The following PMP22 variants were observed in gnomAD, a reference collection of about 807,000 sequenced individuals.
PMP22 encodes the protein Charcot-Marie-Tooth neuropathy 1A (greatly reduced nerve conduction velocity, hereditary motor sensory neuropathy Ia).
In PMP22, 2 loss-of-function variants were observed where a neutral mutation model predicts 18.9. The observed-to-expected ratio is 0.11, with a 90% CI of 0.04 to 0.33. The LOEUF (loss-of-function observed/expected upper bound fraction) is 0.33. Ranked by LOEUF, PMP22 falls within the 10% of genes least tolerant of loss-of-function variation. The probability of loss-of-function intolerance (pLI) is 1.00; values close to 1 mark genes in which losing one functional copy is unlikely to be tolerated. For synonymous variants in PMP22, 95 were observed against 89.2 expected (o/e 1.07, Z -0.37); for missense variants, 169 against 202.2 (o/e 0.84, Z 1.00).
chr17:15,260,980 C>A (rs1909293275), intron 1 of PMP22: 2 of 311,528 alleles, frequency 6.4e-6, no homozygotes, highest in Non-Finnish European at 1.2e-5. Context: ...CCAGCCGGGC[C>A]CGCCTGCAAC....
intron 4 of PMP22, among the ~76,000 whole-genome samples, chr17:15,236,662 C>T (rs1489461850): frequency 6.6e-6 from 1 of 152,154 alleles, no homozygotes; most frequent in Admixed American, 6.5e-5. Flanking sequence ...TTCTCATCTC[C>T]AACAACCCTA....
chr17:15,252,287 G>A (rs1416970673), intron 3 of PMP22, among the ~76,000 whole-genome samples: 1 of 152,132 alleles, frequency 6.6e-6, no homozygotes, highest in Non-Finnish European at 1.5e-5. Context: ...GACCACCAAG[G>A]GCTCAGGTTG....
At chr17:15,247,469 G>A (rs1350756765) in intron 3 of PMP22, among the ~76,000 whole-genome samples, 3 of 152,224 alleles carry the variant, frequency 2.0e-5, no homozygotes, top group Non-Finnish European at 2.9e-5. Context: ...GACATGGGCC[G>A]TGGCAGCACC....
intron 4 of PMP22, 112 bp downstream of exon 4, chr17:15,239,359 G>T: frequency 8.2e-7 from 1 of 1,217,876 alleles, no homozygotes; most frequent in Non-Finnish European, 1.2e-6. Flanking sequence ...GCATCCAGTG[G>T]GGAGACTCAT....
rs1398204165 is a variant in PMP22 at position 15,239,505 on chromosome 17, C to T, written c.285G>A (p.Arg95=). ...TTTGGAAGATTCCAGTGATGTAAAACCTGCCCCCCTTGGTGAGGGTGAAGA... is the reference window on the plus strand; with the variant it reads ...TTTGGAAGATTCCAGTGATGTAAAATCTGCCCCCCTTGGTGAGGGTGAAGA... ...CQLFTLTKGG[R]FYITGIFQIL... is the part of the protein sequence containing the mutation. The change falls in exon 4 of 5, where the codon AGG becomes AGA. Residue 95 remains arginine, a synonymous_variant. Transcript: ENST00000312280. 6.2e-7 allele frequency: 1 copy of T among 1,614,180 alleles called. No homozygotes were observed. Among genetic ancestry groups the T allele is most frequent in the East Asian group, 2.2e-5 (1 of 44,888 alleles).
intron 4 of PMP22, among the ~76,000 whole-genome samples, chr17:15,232,135 C>G (rs535349975): frequency 6.6e-6 from 1 of 152,050 alleles, no homozygotes; most frequent in Non-Finnish European, 1.5e-5. Flanking sequence ...CGCGCCCCCC[C>G]ACCGCCCGGC....
chr17:15,245,520 C>A (rs1173822608), intron 3 of PMP22, among the ~76,000 whole-genome samples: 1 of 152,086 alleles, frequency 6.6e-6, no homozygotes, highest in Non-Finnish European at 1.5e-5. Context: ...GTACTTGAGG[C>A]ACTAATATAT....
intron 1 of PMP22, among the ~76,000 whole-genome samples, chr17:15,263,344 C>T (rs1909488181): frequency 6.6e-6 from 1 of 151,996 alleles, no homozygotes; most frequent in Non-Finnish European, 1.5e-5. Context: ...CGGGCGGGTG[C>T]GAGGTGGCCA....
At chr17:15,231,337 C>A (rs1906331793) in intron 4 of PMP22, among the ~76,000 whole-genome samples, 1 of 152,220 alleles carries the variant, frequency 6.6e-6, no homozygotes, top group Admixed American at 6.5e-5. Flanking sequence ...TGCCCTATTT[C>A]TCTTTCTTTC....
chr17:15,244,054 C>G (rs1907579506), intron 3 of PMP22, among the ~76,000 whole-genome samples: 2 of 151,956 alleles, frequency 1.3e-5, no homozygotes, highest in Admixed American at 1.3e-4. Flanking sequence ...TAGTTCGCAT[C>G]ATTAACAAAA....
Position 15,263,936 on chromosome 17 carries a change from AC to A in PMP22, c.-35+1217del, listed in dbSNP as rs1366722553. Among the ~76,000 whole-genome samples the A allele has an allele frequency of 5.3e-5, 8 of 152,088 alleles. No individual in the cohort carries two copies. In the East Asian group the frequency reaches 1.5e-3, roughly 29 times the overall value. On this transcript the variant is annotated intron_variant, in intron 1 of 4. Transcript: ENST00000312280. The stretch of plus-strand genomic sequence containing the variant: ...GCTCTGGGCTCCAACAAACCTAATC[AC>A]CCTGCTTACTTTTGTTGTGAATTTG...
chr17:15,260,435 T>A, intron 2 of PMP22: 1 of 622,354 alleles, frequency 1.6e-6, no homozygotes, highest in Admixed American at 2.3e-5. Flanking sequence ...CCTGCGCAGC[T>A]AACCCAGCCC....
rs143139032 is a variant in PMP22 at position 15,264,217 on chromosome 17, G to C, written c.-35+937C>G. ...AAGTAGCTTGTAACTCTGATAGGTA[G>C]GTAGGTAGGTAGGTAGATAGATAGA... On this transcript the variant is annotated intron_variant, in intron 1 of 4. Coordinates refer to ENST00000312280, the MANE Select transcript of PMP22 (RefSeq NM_000304.4). 6.5e-3 allele frequency among the ~76,000 whole-genome samples: 641 copies of C among 98,698 alleles called. 7 individuals are homozygous for C. Among genetic ancestry groups the C allele is most frequent in the African/African-American group, 0.028 (590 of 21,352 alleles). 64.7% of individuals were successfully genotyped at this position (98,698 alleles called of 152,430 possible). A position where few individuals can be genotyped will look rare whatever the true frequency, so the allele number is the denominator to read the frequency against.
intron 3 of PMP22, among the ~76,000 whole-genome samples, chr17:15,256,244 C>T (rs891512788): frequency 6.6e-6 from 1 of 152,174 alleles, no homozygotes; most frequent in African/African-American, 2.4e-5. Flanking sequence ...CCTCATGGCA[C>T]GATGCCAGGA....
Position 15,258,866 on chromosome 17 carries a change from G to A in PMP22, c.178+228C>T. The A allele has an allele frequency of 1.7e-6, 1 of 602,556 alleles. No homozygotes were observed. The highest frequency in any genetic ancestry group is 2.4e-5 in the Admixed American group (1 of 40,872). 37.3% of individuals were successfully genotyped at this position (602,556 alleles called of 1,614,324 possible). A position where few individuals can be genotyped will look rare whatever the true frequency, so the allele number is the denominator to read the frequency against. On this transcript the variant is annotated intron_variant, in intron 3 of 4. Transcript: ENST00000312280. This position sits in a 1 kb window ranked among gnomAD's most constrained non-coding sequence, Gnocchi z 4.1. ...CTAAGTGATCAGGAGGGCACTAAGG[G>A]CATGTCTCTAGGTAGAGTGAATCAC...
At chr17:15,257,362 T>A (rs1908927407) in intron 3 of PMP22, among the ~76,000 whole-genome samples, 1 of 152,244 alleles carries the variant, frequency 6.6e-6, no homozygotes. Flanking sequence ...TCGTTTCTGC[T>A]GAAACTTCGC....
intron 3 of PMP22, among the ~76,000 whole-genome samples, chr17:15,255,481 G>T (rs9893338): frequency 5.9e-5 from 9 of 152,066 alleles, no homozygotes; most frequent in Admixed American, 4.6e-4. Flanking sequence ...AAACCCAAGA[G>T]ATGGCAAAGA....
chr17:15,238,010 A>G (rs1906958868), intron 4 of PMP22, among the ~76,000 whole-genome samples: 1 of 152,006 alleles, frequency 6.6e-6, no homozygotes, highest in South Asian at 2.1e-4. Flanking sequence ...AAAAAAAAAA[A>G]GAAACCCCAG....
At chr17:15,246,019 CAAAAAA>C (rs58149809) in intron 3 of PMP22, among the ~76,000 whole-genome samples, 3 of 129,118 alleles carry the variant, frequency 2.3e-5, no homozygotes, top group Non-Finnish European at 3.3e-5. Context: ...AGACTCGTCT[CAAAAAA>C]AAAAAAAAGA....
Sources: gnomAD v4.1 joint callset for allele counts (sites outside exome capture counted in the v4.1 genomes callset) on GRCh38, gnomAD v4.1.1 for gene constraint, Gnocchi (gnomAD v3.1) non-coding constraint, MANE v1.5 for transcripts, NCBI Gene and HGNC (gene_info 2026-07-23, HGNC 2026-07-21) for gene names.